Variants in ZMYM2 observed in about 807,000 individuals in gnomAD.
ZMYM2 encodes the protein zinc finger MYM-type containing 2.
ZMYM2 carries 56 observed loss-of-function variants against 162.8 expected under a neutral mutation model. The ratio of observed to expected loss-of-function variants is 0.34; its 90% CI spans 0.28 to 0.43. The LOEUF (loss-of-function observed/expected upper bound fraction) is 0.43. ZMYM2 is among the 20% of genes least tolerant of loss of function. The probability of loss-of-function intolerance (pLI) is 1.00; values close to 1 mark genes in which losing one functional copy is unlikely to be tolerated. For synonymous variants in ZMYM2, 510 were observed against 541.6 expected (o/e 0.94, Z 0.81); for missense variants, 1,275 against 1,621.8 (o/e 0.79, Z 3.67).
At chr13:19,937,191 C>T in the ZMYM2 span, among the ~76,000 whole-genome samples, 1 of 151,848 alleles carries the variant, frequency 6.6e-6, no homozygotes, top group African/African-American at 2.4e-5. Context: ...TCTTGTCGCC[C>T]AGGCTGGAGT....
Position 20,006,415 on chromosome 13 carries a change from G to T in ZMYM2, c.1341G>T (p.Leu447=). 3 of 1,604,452 alleles carry T rather than the reference G, an allele frequency of 1.9e-6. No homozygotes were observed. The highest frequency in any genetic ancestry group is 2.6e-6 in the Non-Finnish European group (3 of 1,174,962). The change falls in exon 6 of 25, where the codon CTG becomes CTT. Residue 447 remains leucine, a synonymous_variant. Transcript: ENST00000610343. ...EVSFKNMTHK[L]CSDHCFNRYR... ...GCTTTAAAAATATGACTCATAAGCT[G>T]TGCAGTGACCACTGCTTTAATAGAT...
rs1437952948 is a variant in ZMYM2, at chr13:19,959,785, T to G, written c.-79-173T>G. The G allele has an allele frequency of 5.9e-5, 9 of 152,666 alleles. No individual in the cohort carries two copies. In the East Asian group the frequency reaches 1.7e-3, roughly 29 times the overall value. 9.5% of individuals were successfully genotyped at this position (152,666 alleles called of 1,614,324 possible). A position where few individuals can be genotyped will look rare whatever the true frequency, so the allele number is the denominator to read the frequency against. ...CCCCAAATATGTATTTTGCGCTGTTTTGCCCCACTTACGCAGGAGGGGGCT... is the reference window on the plus strand; with the variant it reads ...CCCCAAATATGTATTTTGCGCTGTTGTGCCCCACTTACGCAGGAGGGGGCT... On this transcript the variant is annotated intron_variant, in intron 1 of 24. Coordinates refer to ENST00000610343, the MANE Select transcript of ZMYM2 (RefSeq NM_197968.4).
chr13:20,081,972 AT>A, intron 21 of ZMYM2, 43 bp from the exon 22 acceptor site: 1 of 1,290,140 alleles, frequency 7.8e-7, no homozygotes, highest in African/African-American at 1.6e-5. Flanking sequence ...TAATTAGCTG[AT>A]TTTCTTTCAA....
chr13:19,889,282 G>A, the ZMYM2 span, among the ~76,000 whole-genome samples: 5 of 151,960 alleles, frequency 3.3e-5, no homozygotes, highest in African/African-American at 9.7e-5. Flanking sequence ...GAGTGTCCCA[G>A]TGAGTGCCTA....
At chr13:19,957,224 T>A (rs1438787296), upstream of ZMYM2, among the ~76,000 whole-genome samples, 1 of 152,218 alleles carries the variant, frequency 6.6e-6, no homozygotes, top group Non-Finnish European at 1.5e-5. Flanking sequence ...TACACATCAG[T>A]CTTTCACGGG....
intron 12 of ZMYM2, among the ~76,000 whole-genome samples, chr13:20,045,862 AT>A (rs1391548972): frequency 6.6e-6 from 1 of 151,892 alleles, no homozygotes; most frequent in Non-Finnish European, 1.5e-5. Flanking sequence ...TTCTTGGAGG[AT>A]TTTTTTGTTG....
At chr13:20,074,183 C>T (rs1416413693) in intron 21 of ZMYM2, among the ~76,000 whole-genome samples, 1 of 147,290 alleles carries the variant, frequency 6.8e-6, no homozygotes, top group Non-Finnish European at 1.5e-5. Flanking sequence ...TGTTGTGTAG[C>T]ATATGTCAGA....
intron 14 of ZMYM2, 74 bp downstream of exon 14, chr13:20,052,385 A>C: frequency 7.2e-7 from 1 of 1,398,430 alleles, no homozygotes; most frequent in Non-Finnish European, 9.7e-7. Context: ...GGCCAATTTA[A>C]TGTGATCATA....
upstream of ZMYM2, among the ~76,000 whole-genome samples, chr13:19,953,906 A>G (rs1954470474): frequency 6.6e-6 from 1 of 151,714 alleles, no homozygotes; most frequent in African/African-American, 2.4e-5. Context: ...CTAAAACTGT[A>G]TAGACTAGAT....
At chr13:19,886,320 A>G in the ZMYM2 span, among the ~76,000 whole-genome samples, 19 of 150,310 alleles carry the variant, frequency 1.3e-4, no homozygotes, top group Admixed American at 1.2e-3. Context: ...GTACACCACC[A>G]CACCCGGCTA....
At chr13:19,942,480 A>AT in the ZMYM2 span, among the ~76,000 whole-genome samples, 169 of 149,854 alleles carry the variant, frequency 1.1e-3, 1 homozygote, top group Middle Eastern at 0.017. Flanking sequence ...ATGTGGGAGG[A>AT]TTGCTTGAGT....
intron 2 of ZMYM2, among the ~76,000 whole-genome samples, chr13:19,970,390 G>A (rs571166960): frequency 1.3e-5 from 2 of 152,192 alleles, no homozygotes; most frequent in South Asian, 4.1e-4. Flanking sequence ...TAATTACGCA[G>A]ATGAATATAG....
intron 21 of ZMYM2, among the ~76,000 whole-genome samples, chr13:20,069,682 T>A (rs1249185117): frequency 1.3e-5 from 2 of 152,106 alleles, no homozygotes; most frequent in Non-Finnish European, 2.9e-5. Flanking sequence ...CAATTGATAA[T>A]GTTATCCTTT....
At chr13:19,942,840 A>C in the ZMYM2 span, among the ~76,000 whole-genome samples, 1 of 152,194 alleles carries the variant, frequency 6.6e-6, no homozygotes, top group Non-Finnish European at 1.5e-5. Flanking sequence ...GTGATGAGAA[A>C]ACTGGTTAAC....
intron 3 of ZMYM2, among the ~76,000 whole-genome samples, chr13:19,996,516 C>A (rs547749060): frequency 6.6e-6 from 1 of 152,192 alleles, no homozygotes; most frequent in South Asian, 2.1e-4. Context: ...CATCTGAGGT[C>A]AGGAGTTTGA....
chr13:19,919,741 G>A, the ZMYM2 span, among the ~76,000 whole-genome samples: 19 of 149,938 alleles, frequency 1.3e-4, no homozygotes, highest in African/African-American at 3.2e-4. Context: ...GCAATGGTGC[G>A]ATCTCAGCTC....
chr13:20,059,818 C>A (rs757651898), intron 16 of ZMYM2, among the ~76,000 whole-genome samples: 5 of 152,070 alleles, frequency 3.3e-5, no homozygotes, highest in Admixed American at 6.5e-5. Flanking sequence ...GGCGTATCTT[C>A]AGCCCAGGAG....
intron 12 of ZMYM2, among the ~76,000 whole-genome samples, chr13:20,043,640 C>G (rs1224647753): frequency 2.7e-5 from 4 of 150,834 alleles, no homozygotes; most frequent in African/African-American, 4.9e-5. Context: ...CTGAAAGGGC[C>G]AGGTTGTGGT....
At chr13:20,031,485 A>G (rs370008959) in intron 10 of ZMYM2, 50 bp downstream of exon 10, 24 of 1,172,004 alleles carry the variant, frequency 2.0e-5, no homozygotes, top group Non-Finnish European at 2.5e-5. Context: ...AAGAAAGTCT[A>G]GTAAAATAAG....
Sources: allele counts gnomAD v4.1 joint callset (sites outside exome capture counted in the v4.1 genomes callset), GRCh38; gene constraint gnomAD v4.1.1; transcripts MANE v1.5; gene names NCBI Gene and HGNC (gene_info 2026-07-23, HGNC 2026-07-21).